Variants in MTERF4 observed in about 807,000 individuals in gnomAD.
The protein encoded by MTERF4 is mitochondrial transcription termination factor 4.
Under a neutral mutation model 22.5 loss-of-function variants are expected in MTERF4, and 17 were observed. The observed-to-expected ratio is 0.75, with a 90% CI of 0.52 to 1.13. The LOEUF (loss-of-function observed/expected upper bound fraction) is 1.13. Among genes scored for constraint, MTERF4 ranks in the 50% most tolerant of loss-of-function variants. The pLI, the probability that MTERF4 is intolerant of heterozygous loss-of-function variation, is 0.00. For synonymous variants in MTERF4, 165 were observed against 175.3 expected (o/e 0.94, Z 0.47); for missense variants, 420 against 466.8 (o/e 0.90, Z 0.92).
At chr2:241,097,105 C>T (rs2064471795) in intron 3 of MTERF4, 138 bp downstream of exon 3, 1 of 1,038,642 alleles carries the variant, frequency 9.6e-7, no homozygotes. Flanking sequence ...CTGACCTTCA[C>T]TACATTTGAA....
intron 4 of MTERF4, among the ~76,000 whole-genome samples, chr2:241,076,115 T>C (rs1434850698): frequency 6.6e-6 from 1 of 152,218 alleles, no homozygotes; most frequent in African/African-American, 2.4e-5. Flanking sequence ...GTATCATTGC[T>C]ACCCTTGGCC....
At chr2:241,064,212 GCTCCCCGCCCTCTGCCCGCC>G in the MTERF4 span, 1 of 920,850 alleles carries the variant, frequency 1.1e-6, no homozygotes, top group African/African-American at 1.9e-5. The surrounding 1 kb of genome is among the most constrained non-coding windows in gnomAD (Gnocchi z 7.0). Flanking sequence ...CTGCCCGCCT[GCTCCCCGCCCTCTGCCCGCC>G]TGCTCCCCGC....
At chr2:241,078,034 T>C (rs546325236) in intron 4 of MTERF4, among the ~76,000 whole-genome samples, 1 of 152,120 alleles carries the variant, frequency 6.6e-6, no homozygotes, top group African/African-American at 2.4e-5. Context: ...CAAATATTTA[T>C]AGCAGCACAG....
chr2:241,052,292 C>T, the MTERF4 span: 4 of 1,468,220 alleles, frequency 2.7e-6, no homozygotes, highest in East Asian at 2.3e-5. Flanking sequence ...AGGCAGGATG[C>T]CCCACACAGT....
chr2:241,048,659 C>G, the MTERF4 span: 1 of 1,606,254 alleles, frequency 6.2e-7, no homozygotes, highest in Non-Finnish European at 8.5e-7. Flanking sequence ...CTCTTCGTGG[C>G]AGGAGTCCCC....
exon 5 of MTERF4, chr2:241,072,555 C>G (rs115679838): frequency 2.9e-5 from 9 of 305,450 alleles, no homozygotes; most frequent in African/African-American, 8.9e-5. Flanking sequence ...GTTTAATGAA[C>G]ACGCTCTGAG....
At chr2:241,065,317 C>T in the MTERF4 span, 2 of 1,612,852 alleles carry the variant, frequency 1.2e-6, no homozygotes, top group Non-Finnish European at 1.7e-6. Context: ...CCACCGACGG[C>T]CCTCAAGATG....
the MTERF4 span, among the ~76,000 whole-genome samples, chr2:241,054,674 CAGTG>C: frequency 2.0e-5 from 3 of 152,210 alleles, no homozygotes; most frequent in Non-Finnish European, 4.4e-5. Flanking sequence ...ATTTTAAAAA[CAGTG>C]GGAATAAGCA....
downstream of MTERF4, chr2:241,089,292 C>G: frequency 1.3e-6 from 2 of 1,549,082 alleles, no homozygotes; most frequent in Non-Finnish European, 1.7e-6. Context: ...AGTTCATCTT[C>G]CTGGTGGCGC....
At chr2:241,067,375 C>T (rs969436192), downstream of MTERF4, among the ~76,000 whole-genome samples, 3 of 152,222 alleles carry the variant, frequency 2.0e-5, no homozygotes, top group South Asian at 2.1e-4. Flanking sequence ...AGACCAGGCC[C>T]GGATGTGTGC....
the MTERF4 span, among the ~76,000 whole-genome samples, chr2:241,064,400 C>T: frequency 2.4e-4 from 36 of 152,320 alleles, no homozygotes; most frequent in Non-Finnish European, 4.1e-4. The surrounding 1 kb of genome is among the most constrained non-coding windows in gnomAD (Gnocchi z 7.0). Flanking sequence ...TGGGGCCTCA[C>T]GTCCACACAT....
At chr2:241,064,138 G>A in the MTERF4 span, 2 of 1,495,276 alleles carry the variant, frequency 1.3e-6, no homozygotes, top group East Asian at 2.5e-5. The surrounding 1 kb of genome is among the most constrained non-coding windows in gnomAD (Gnocchi z 7.0). Flanking sequence ...AGGGCGGCAG[G>A]CCTGCCTGCT....
chr2:241,097,893 C>T (rs2064527826), intron 2 of MTERF4, among the ~76,000 whole-genome samples: 1 of 152,146 alleles, frequency 6.6e-6, no homozygotes, highest in African/African-American at 2.4e-5. Flanking sequence ...AAAGGAGTTC[C>T]ATCACCATCG....
Position 241,096,633 on chromosome 2 carries a change from G to T in MTERF4, c.706-195C>A. 4.3e-6 allele frequency: 3 copies of T among 698,746 alleles called. No homozygotes were observed. Among genetic ancestry groups the T allele is most frequent in the Non-Finnish European group, 2.6e-6 (1 of 378,848 alleles). 43.3% of individuals were successfully genotyped at this position (698,746 alleles called of 1,614,324 possible). On this transcript the variant is annotated intron_variant, in intron 3 of 3. Coordinates refer to ENST00000391980, the MANE Select transcript of MTERF4 (RefSeq NM_182501.4). The surrounding 1 kb of genome is among the most constrained non-coding windows in gnomAD (Gnocchi z 5.1). ...CAAAACACTTTCAAATTCATCCTGA[G>T]AAACATGGAGCAGGAAATAAAGGGG...
chr2:241,073,170 G>T lies in MTERF4; in HGVS notation n.2992C>A, dbSNP rs1022325825. The T allele has an allele frequency of 4.6e-6, 4 of 864,214 alleles. No homozygotes were observed. The East Asian group carries it at 1.1e-4, about 23-fold the overall frequency. The allele number at this position is 864,214 out of a possible 1,614,324, so 53.5% of individuals were successfully genotyped here. A position where few individuals can be genotyped will look rare whatever the true frequency, so the allele number is the denominator to read the frequency against. ...CCTGGTCCCCACCAGGGACATCCGT[G>T]CTCCCTGAGATATAGAAGCACTCAA... is the stretch of plus-strand genomic sequence containing the variant. On this transcript the variant is annotated non_coding_transcript_exon_variant, in exon 5 of 5. Coordinates refer to the MTERF4 transcript ENST00000464344. This position sits in a 1 kb window ranked among gnomAD's most constrained non-coding sequence, Gnocchi z 6.6.
chr2:241,082,677 G>A (rs2063385461), downstream of MTERF4, among the ~76,000 whole-genome samples: 1 of 152,242 alleles, frequency 6.6e-6, no homozygotes, highest in Non-Finnish European at 1.5e-5. Flanking sequence ...GCCAACTGAT[G>A]TGACCTTCCT....
At chr2:241,058,398 A>AT in the MTERF4 span, among the ~76,000 whole-genome samples, 3 of 152,218 alleles carry the variant, frequency 2.0e-5, no homozygotes, top group Non-Finnish European at 4.4e-5. Context: ...AAAATACGAA[A>AT]TGATGCTGAA....
chr2:241,054,756 AGT>A, the MTERF4 span, among the ~76,000 whole-genome samples: 1 of 152,242 alleles, frequency 6.6e-6, no homozygotes, highest in Non-Finnish European at 1.5e-5. Context: ...AGAGTAAGTT[AGT>A]GAGTTGAAAG....
intron 1 of MTERF4, chr2:241,101,201 C>T (rs767924202): frequency 2.1e-6 from 1 of 466,974 alleles, no homozygotes; most frequent in Non-Finnish European, 4.5e-6. Context: ...AGCTTGTTTT[C>T]CTACAACCAG....
Sources: gnomAD v4.1 joint callset for allele counts (sites outside exome capture counted in the v4.1 genomes callset) on GRCh38, gnomAD v4.1.1 for gene constraint, Gnocchi (gnomAD v3.1) non-coding constraint, MANE v1.5 for transcripts, NCBI Gene and HGNC (gene_info 2026-07-23, HGNC 2026-07-21) for gene names.